The following SMYD3 variants were observed in gnomAD, a reference collection of about 807,000 sequenced individuals.
SMYD3 encodes the protein histone-lysine N-methyltransferase SMYD3.
SMYD3 carries 36 observed loss-of-function variants against 57.7 expected under a neutral mutation model. The observed-to-expected ratio is 0.62, with a 90% CI of 0.48 to 0.82. The LOEUF (loss-of-function observed/expected upper bound fraction) is 0.82, where lower values mean the gene tolerates loss of function less well. Ranked by LOEUF, SMYD3 falls within the 40% of genes least tolerant of loss-of-function variation. SMYD3 has a pLI of 0.00. For missense variants in SMYD3, 515 were observed against 538.8 expected (o/e 0.96, Z 0.44); for synonymous variants, 211 against 195.0 (o/e 1.08, Z -0.68).
intron 5 of SMYD3, among the ~76,000 whole-genome samples, chr1:246,043,154 T>C (rs1396021746): frequency 1.3e-5 from 2 of 152,344 alleles, no homozygotes; most frequent in South Asian, 2.1e-4. Context: ...GATTACTCCA[T>C]GGATTAACTC....
intron 5 of SMYD3, among the ~76,000 whole-genome samples, chr1:246,052,265 T>C (rs1443090579): frequency 6.6e-6 from 1 of 152,162 alleles, no homozygotes; most frequent in Non-Finnish European, 1.5e-5. Context: ...TTCTTAGACC[T>C]CCTCAGAGAT....
At chr1:246,188,015 C>T (rs1270894283) in intron 5 of SMYD3, among the ~76,000 whole-genome samples, 2 of 151,576 alleles carry the variant, frequency 1.3e-5, no homozygotes, top group African/African-American at 2.4e-5. Flanking sequence ...TTGTAAAGCT[C>T]GAACTTGTTT....
At chr1:246,137,268 T>C (rs1447091926) in intron 5 of SMYD3, among the ~76,000 whole-genome samples, 1 of 152,206 alleles carries the variant, frequency 6.6e-6, no homozygotes, top group Non-Finnish European at 1.5e-5. Context: ...TTACTCGCCA[T>C]TTCTCCTCAC....
At chr1:246,343,770 G>A (rs2065667223) in intron 2 of SMYD3, among the ~76,000 whole-genome samples, 1 of 152,040 alleles carries the variant, frequency 6.6e-6, no homozygotes, top group South Asian at 2.1e-4. Flanking sequence ...CTCCTATTTG[G>A]TCTTCCTGCC....
intron 1 of SMYD3, among the ~76,000 whole-genome samples, chr1:246,403,548 C>G: frequency 6.6e-6 from 1 of 152,110 alleles, no homozygotes; most frequent in East Asian, 1.9e-4. Flanking sequence ...CTGGTCTCTC[C>G]TTCTATGAGA....
At chr1:246,077,088 A>G (rs923541860) in intron 5 of SMYD3, among the ~76,000 whole-genome samples, 2 of 152,160 alleles carry the variant, frequency 1.3e-5, no homozygotes, top group East Asian at 3.9e-4. Flanking sequence ...CAATTCAGGG[A>G]AAGGTGACTG....
At chr1:245,821,462 T>G (rs1358848710) in intron 10 of SMYD3, among the ~76,000 whole-genome samples, 12 of 148,018 alleles carry the variant, frequency 8.1e-5, no homozygotes, top group Non-Finnish European at 1.7e-4. Context: ...AACCTAGGCA[T>G]TACCATTCAG....
At chr1:246,029,449 A>G (rs2059628647) in intron 5 of SMYD3, among the ~76,000 whole-genome samples, 1 of 152,166 alleles carries the variant, frequency 6.6e-6, no homozygotes, top group Non-Finnish European at 1.5e-5. Context: ...AGGCGGGCAG[A>G]TCACCTGAGG....
intron 1 of SMYD3, among the ~76,000 whole-genome samples, chr1:246,363,334 C>T (rs1198581025): frequency 1.4e-5 from 2 of 144,248 alleles, no homozygotes; most frequent in Non-Finnish European, 3.0e-5. Flanking sequence ...CCGCCCCATC[C>T]GGGAGGTGAG....
In SMYD3 at chr1:245,953,844, T is replaced by G. The variant is rs1312609648; in HGVS notation, c.532-23907A>C. Reference sequence around the variant, plus strand: ...AAACAAACACAGGACTTTTCACAAATGAAGCCTGCATGTTCAATGCTGAAT... The same window carrying G: ...AAACAAACACAGGACTTTTCACAAAGGAAGCCTGCATGTTCAATGCTGAAT... On this transcript the variant is annotated intron_variant, in intron 5 of 11. Coordinates refer to ENST00000490107, the MANE Select transcript of SMYD3 (RefSeq NM_001167740.2). 4.6e-5 allele frequency among the ~76,000 whole-genome samples: 7 copies of G among 152,336 alleles called. No homozygotes were observed. In the South Asian group the frequency reaches 1.4e-3, roughly 32 times the overall value.
chr1:246,184,150 T>C (rs188570353), intron 5 of SMYD3, among the ~76,000 whole-genome samples: 85 of 152,294 alleles, frequency 5.6e-4, no homozygotes, highest in Non-Finnish European at 1.0e-3. Flanking sequence ...AGGCAGTAGG[T>C]AGAAAAACCA....
intron 10 of SMYD3, among the ~76,000 whole-genome samples, chr1:245,830,260 A>G (rs1013712033): frequency 3.3e-5 from 5 of 152,132 alleles, no homozygotes; most frequent in Admixed American, 2.0e-4. Context: ...AGTTTAATGG[A>G]CTCAGTTCCA....
At chr1:246,112,450 T>C (rs2061260799) in intron 5 of SMYD3, among the ~76,000 whole-genome samples, 1 of 152,242 alleles carries the variant, frequency 6.6e-6, no homozygotes, top group Non-Finnish European at 1.5e-5. Context: ...TTATTTGCTT[T>C]CCTCCAAATC....
At chr1:246,464,035 G>A (rs939519740) in intron 1 of SMYD3, among the ~76,000 whole-genome samples, 1 of 152,098 alleles carries the variant, frequency 6.6e-6, no homozygotes, top group Non-Finnish European at 1.5e-5. Context: ...TGCAAAGGAA[G>A]CTGGAGTCTC....
intron 8 of SMYD3, among the ~76,000 whole-genome samples, chr1:245,911,888 T>C (rs1370104778): frequency 6.6e-6 from 1 of 152,112 alleles, no homozygotes; most frequent in African/African-American, 2.4e-5. Flanking sequence ...AAATTTAGAA[T>C]GTTCCCAACA....
chr1:246,067,401 C>T (rs77776623), intron 5 of SMYD3, among the ~76,000 whole-genome samples: 4,350 of 152,278 alleles, frequency 0.029, 207 homozygotes, highest in African/African-American at 0.098. Context: ...TCTCTTACCC[C>T]TATCTTCTGG....
chr1:245,801,061 C>T (rs2047836874), intron 10 of SMYD3, among the ~76,000 whole-genome samples: 1 of 152,198 alleles, frequency 6.6e-6, no homozygotes, highest in Non-Finnish European at 1.5e-5. Flanking sequence ...GGGGCCAGAA[C>T]TGACTACGTC....
chr1:246,093,878 C>T (rs901464390), intron 5 of SMYD3, among the ~76,000 whole-genome samples: 3 of 152,076 alleles, frequency 2.0e-5, no homozygotes, highest in South Asian at 2.1e-4. Flanking sequence ...CATTCATTGG[C>T]AGTCCCCTTC....
chr1:246,363,067 C>T (rs2066026695), intron 1 of SMYD3, among the ~76,000 whole-genome samples: 1 of 151,050 alleles, frequency 6.6e-6, no homozygotes, highest in Non-Finnish European at 1.5e-5. Context: ...AGCGCCTCTG[C>T]CCCACCGCCC....
Sources: allele counts gnomAD v4.1 joint callset (sites outside exome capture counted in the v4.1 genomes callset), GRCh38; gene constraint gnomAD v4.1.1; transcripts MANE v1.5; gene names NCBI Gene and HGNC (gene_info 2026-07-23, HGNC 2026-07-21).